Variants in HECW2 observed in about 807,000 individuals in gnomAD.
The protein encoded by HECW2 is HECT, C2 and WW domain containing E3 ubiquitin protein ligase 2, also known as E3 ubiquitin-protein ligase HECW2.
In HECW2, 61 loss-of-function variants were observed where a neutral mutation model predicts 175.2. That is an observed-to-expected ratio of 0.35 (90% CI 0.28 to 0.43). The LOEUF is 0.43. HECW2 is among the 20% of genes least tolerant of loss of function. The pLI is 1.00. For synonymous variants in HECW2, 671 were observed against 731.0 expected, an observed-to-expected ratio of 0.92 and a Z score of 1.32; for missense variants, 1,524 against 2,000.5, an observed-to-expected ratio of 0.76 and a Z score of 4.54.
Position 196,271,186 on chromosome 2 carries a change from T to C in HECW2, c.3335+7A>G. ...CAACTTGAACCAAATACCAATATTATTGTTACCTGAGTGAGTGATTCCTGG... is the reference window on the plus strand; with the variant it reads ...CAACTTGAACCAAATACCAATATTACTGTTACCTGAGTGAGTGATTCCTGG... On this transcript the variant is annotated splice_region_variant and intron_variant, in intron 17 of 28. Transcript: ENST00000644978. 6.5e-7 allele frequency: 1 copy of C among 1,533,722 alleles called. No individual in the cohort carries two copies. Among genetic ancestry groups the C allele is most frequent in the Non-Finnish European group, 9.0e-7 (1 of 1,107,344 alleles).
intron 1 of HECW2, among the ~76,000 whole-genome samples, chr2:196,475,685 G>A (rs1686570503): frequency 6.6e-6 from 1 of 152,174 alleles, no homozygotes; most frequent in African/African-American, 2.4e-5. Flanking sequence ...TCTTTCTAAA[G>A]CACTGCAATA....
intron 1 of HECW2, among the ~76,000 whole-genome samples, chr2:196,566,851 A>C (rs546650929): frequency 2.6e-5 from 4 of 152,028 alleles, no homozygotes; most frequent in Non-Finnish European, 5.9e-5. Flanking sequence ...TTTTCGAGAC[A>C]ACTCTCTGAG....
intron 1 of HECW2, among the ~76,000 whole-genome samples, chr2:196,513,024 A>G (rs1366213158): frequency 6.6e-6 from 1 of 152,158 alleles, no homozygotes; most frequent in African/African-American, 2.4e-5. Flanking sequence ...TTAGCACAAG[A>G]CTTCAGACCA....
At chr2:196,478,235 C>A (rs1686725137) in intron 1 of HECW2, among the ~76,000 whole-genome samples, 1 of 152,114 alleles carries the variant, frequency 6.6e-6, no homozygotes, top group Admixed American at 6.6e-5. Flanking sequence ...TGGCTTCAGG[C>A]CAAGAAGGGA....
At chr2:196,206,976 G>T (rs1303763250) in intron 28 of HECW2, among the ~76,000 whole-genome samples, 2 of 152,172 alleles carry the variant, frequency 1.3e-5, no homozygotes, top group African/African-American at 4.8e-5. Flanking sequence ...AGATTTGTAG[G>T]TGTGCAGGTT....
intron 13 of HECW2, among the ~76,000 whole-genome samples, chr2:196,296,124 T>A (rs531306817): frequency 6.6e-6 from 1 of 151,954 alleles, no homozygotes; most frequent in South Asian, 2.1e-4. Context: ...AAAAACTGTG[T>A]GTGTATAGAT....
At chr2:196,384,723 C>T (rs947655149) in intron 2 of HECW2, among the ~76,000 whole-genome samples, 1 of 152,180 alleles carries the variant, frequency 6.6e-6, no homozygotes, top group East Asian at 1.9e-4. Flanking sequence ...TTCATTATGA[C>T]ATCCTGAATT....
At chr2:196,232,408 T>C (rs1688092759) in intron 21 of HECW2, among the ~76,000 whole-genome samples, 1 of 152,234 alleles carries the variant, frequency 6.6e-6, no homozygotes, top group Non-Finnish European at 1.5e-5. Context: ...CATGTTTTAC[T>C]CATTTTTATA....
chr2:196,332,692 A>G (rs1692410806), intron 4 of HECW2, among the ~76,000 whole-genome samples: 1 of 152,216 alleles, frequency 6.6e-6, no homozygotes, highest in African/African-American at 2.4e-5. Context: ...AAATCCAGAA[A>G]ATGCTTAAAA....
At chr2:196,535,337 C>A (rs1042311505) in intron 1 of HECW2, among the ~76,000 whole-genome samples, 2 of 152,154 alleles carry the variant, frequency 1.3e-5, no homozygotes, top group African/African-American at 4.8e-5. Context: ...TTCTTAAGCG[C>A]CACTTCAAAC....
intron 1 of HECW2, among the ~76,000 whole-genome samples, chr2:196,516,072 G>A (rs1688136035): frequency 6.6e-6 from 1 of 152,158 alleles, no homozygotes; most frequent in African/African-American, 2.4e-5. Context: ...GGGAGGTAGA[G>A]TTTGCAGTGA....
intron 2 of HECW2, among the ~76,000 whole-genome samples, chr2:196,414,189 T>A (rs1316892130): frequency 6.6e-6 from 1 of 152,230 alleles, no homozygotes; most frequent in African/African-American, 2.4e-5. Context: ...TCCAGGGGAC[T>A]TGAGCACAGC....
In HECW2 at chr2:196,194,456, TA is replaced by T. The variant is rs2105734309; in HGVS notation, c.*6820del. The T allele has an allele frequency of 6.6e-6, 1 of 152,040 alleles. No homozygotes were observed. Among genetic ancestry groups the T allele is most frequent in the African/African-American group, 2.4e-5 (1 of 41,494 alleles). 9.4% of individuals were successfully genotyped at this position (152,040 alleles called of 1,614,324 possible). A position where few individuals can be genotyped will look rare whatever the true frequency, so the allele number is the denominator to read the frequency against. The stretch of plus-strand genomic sequence containing the variant: ...ACAAAAATAGAGATCAGTATGAAAA[TA>T]AAACAAATTGTACACATTAAAATAT... On this transcript the variant is annotated 3_prime_UTR_variant, in exon 29 of 29. Coordinates refer to ENST00000644978, the MANE Select transcript of HECW2 (RefSeq NM_001348768.2).
intron 28 of HECW2, 27 bp downstream of exon 28, chr2:196,215,838 G>T: frequency 6.8e-7 from 1 of 1,460,124 alleles, no homozygotes; most frequent in Non-Finnish European, 9.6e-7. Flanking sequence ...TGTTGTGACA[G>T]TAAAGAAATG....
chr2:196,220,538 A>G (rs2105815905), intron 25 of HECW2, among the ~76,000 whole-genome samples: 1 of 152,338 alleles, frequency 6.6e-6, no homozygotes, highest in East Asian at 1.9e-4. Flanking sequence ...CATGGCTTAA[A>G]TGTTACTAGT....
At chr2:196,580,106 T>TA (rs890751931) in intron 1 of HECW2, among the ~76,000 whole-genome samples, 2 of 152,140 alleles carry the variant, frequency 1.3e-5, no homozygotes, top group Admixed American at 6.5e-5. Context: ...TCTGTAATGA[T>TA]AAAAGGATCA....
intron 1 of HECW2, among the ~76,000 whole-genome samples, chr2:196,482,976 C>G (rs1290337577): frequency 6.6e-6 from 1 of 151,764 alleles, no homozygotes; most frequent in African/African-American, 2.4e-5. Flanking sequence ...TTGCCAACAG[C>G]TACAACTCGT....
intron 13 of HECW2, among the ~76,000 whole-genome samples, chr2:196,300,447 G>C (rs944239257): frequency 6.6e-6 from 1 of 152,212 alleles, no homozygotes; most frequent in Non-Finnish European, 1.5e-5. Flanking sequence ...ATGAAGAAAT[G>C]TAAGTCTAAT....
chr2:196,269,515 A>AAAAAAAAAAAAAAAAAAAAAAAC (rs1689647385), intron 17 of HECW2: 1 of 151,030 alleles, frequency 6.6e-6, no homozygotes, highest in Non-Finnish European at 1.5e-5. Context: ...AAAAAAAAAA[A>AAAAAAAAAAAAAAAAAAAAAAAC]AAAAAAGACA....
Sources: allele counts gnomAD v4.1 joint callset (sites outside exome capture counted in the v4.1 genomes callset), GRCh38; gene constraint gnomAD v4.1.1; transcripts MANE v1.5; gene names NCBI Gene and HGNC (gene_info 2026-07-23, HGNC 2026-07-21).